TTN: variants seen among roughly 807,000 people sequenced by gnomAD.
TTN encodes the protein titin, also known as connectin.
In TTN, 1,525 loss-of-function variants were observed where a neutral mutation model predicts 3,223.0. The observed-to-expected ratio is 0.47, with a 90% confidence interval of 0.45 to 0.49. The LOEUF (loss-of-function observed/expected upper bound fraction) is 0.49, where lower values mean the gene tolerates loss of function less well. TTN is among the 20% of genes least tolerant of loss of function. TTN has a pLI of 0.00. For missense variants in TTN, 40,786 were observed against 43,424.0 expected, an observed-to-expected ratio of 0.94 and a Z score of 5.40; for synonymous variants, 14,094 against 15,161.0, an observed-to-expected ratio of 0.93 and a Z score of 5.17.
intron 115 of TTN, 139 bp downstream of exon 115, chr2:178,695,209 A>AAG (rs1560449133): frequency 3.3e-6 from 2 of 606,906 alleles, no homozygotes; most frequent in African/African-American, 3.8e-5. Context: ...AAATTTTAAG[A>AAG]AAAAAAAATC....
rs1372970593 is a variant in TTN, at chr2:178,636,542, T to C, written c.41185A>G (p.Ser13729Gly). Residue 13729 changes from serine to glycine, a missense_variant, in exon 225 of 363, where the codon AGT becomes GGT. Coordinates refer to ENST00000589042, the MANE Select transcript of TTN (RefSeq NM_001267550.2). This position sits in a 1 kb window ranked among gnomAD's most constrained non-coding sequence, Gnocchi z 4.3. Reference protein sequence around the residue: ...WMKDGSNIRESPKHRFIADGK... With the variant: ...WMKDGSNIREGPKHRFIADGK... ...TCTGCAATAAACCTGTGCTTGGGAC[T>C]CTCACGGATATTGCTACCGTCTTTC... The C allele has an allele frequency of 3.7e-6, 6 of 1,613,494 alleles. No homozygotes were observed. Among genetic ancestry groups the C allele is most frequent in the Admixed American group, 1.7e-5 (1 of 59,984 alleles).
intron 163 of TTN, among the ~76,000 whole-genome samples, chr2:178,666,559 T>C (rs1239370896): frequency 1.3e-5 from 2 of 152,162 alleles, no homozygotes; most frequent in African/African-American, 4.8e-5. Context: ...AATATGTGTA[T>C]ATATATTTTC....
At chr2:178,750,007 A>G (rs1267295868) in intron 47 of TTN, 1 of 1,613,228 alleles carries the variant, frequency 6.2e-7, no homozygotes, top group Admixed American at 1.7e-5. Context: ...GCATTGCTTT[A>G]GGTTCCAGCT....
chr2:178,717,881 A>G, intron 86 of TTN, 62 bp downstream of exon 86: 1 of 1,572,636 alleles, frequency 6.4e-7, no homozygotes, highest in Non-Finnish European at 8.6e-7. Flanking sequence ...AATTCATAAA[A>G]GTTTTAACGT....
intron 265 of TTN, 72 bp from the exon 266 acceptor site, chr2:178,612,648 A>C: frequency 6.5e-7 from 1 of 1,545,132 alleles, no homozygotes; most frequent in Non-Finnish European, 8.7e-7. Context: ...AAGTGCAGGC[A>C]GTCATTAAGA....
At chr2:178,704,828 A>G (rs1474846369) in intron 104 of TTN, 49 bp downstream of exon 104, 4 of 1,609,410 alleles carry the variant, frequency 2.5e-6, no homozygotes, top group Non-Finnish European at 3.4e-6. Context: ...CCTTATAATA[A>G]TACTCAATAA....
chr2:178,625,242 T>C (rs748290082), intron 241 of TTN, 31 bp downstream of exon 241: 12 of 1,601,226 alleles, frequency 7.5e-6, no homozygotes, highest in East Asian at 2.3e-5. Flanking sequence ...CTCTGCCTTA[T>C]ACATGTTTTT....
At chr2:178,609,599 T>G (rs746255082) in intron 272 of TTN, 29 bp from the exon 273 acceptor site, 28 of 1,560,510 alleles carry the variant, frequency 1.8e-5, no homozygotes, top group Non-Finnish European at 2.3e-5. Context: ...ATAAATGTTT[T>G]CAATTCTGAT....
chr2:178,689,098 C>T lies in TTN; in HGVS notation c.32050G>A (p.Val10684Ile), dbSNP rs780059790. ...LPKKPVPEEK[V>I]AVPVPVAKKA... Reference sequence around the variant, plus strand: ...TTAGCGACAGGAACTGGCACTGCAACTTTCTCCTCTGGGACGGGTTTCTTA... The same window carrying T: ...TTAGCGACAGGAACTGGCACTGCAATTTTCTCCTCTGGGACGGGTTTCTTA... The change falls in exon 125 of 363, where the codon GTT becomes ATT. Residue 10684 changes from valine to isoleucine, a missense_variant. Physicochemically the swap from Val to Ile is conservative, Grantham distance 29. Coordinates refer to ENST00000589042, the MANE Select transcript of TTN (RefSeq NM_001267550.2). 1 of 1,601,922 alleles carries T rather than the reference C, an allele frequency of 6.2e-7. No homozygotes were observed. The highest frequency in any genetic ancestry group is 1.1e-5 in the South Asian group (1 of 90,394).
Position 178,614,651 on chromosome 2 carries a change from G to C in TTN, c.48863C>G (p.Pro16288Arg), listed in dbSNP as rs745848084. ...ATCAGCCTTTGTCCAAGTTATTTTA[G>C]GTTCAGGTTTTCCGGTTACGGTGGC... ...LPATVTGKPEPKITWTKADMI... is the reference protein window; with the variant it reads ...LPATVTGKPERKITWTKADMI... Residue 16288 changes from proline to arginine, a missense_variant, in exon 261 of 363, where the codon CCT becomes CGT. Physicochemically the swap from Pro to Arg is moderately radical, Grantham distance 103 (BLOSUM62 -2). Coordinates refer to ENST00000589042, the MANE Select transcript of TTN (RefSeq NM_001267550.2). 5 of 1,612,320 alleles carry C rather than the reference G, an allele frequency of 3.1e-6. No individual in the cohort carries two copies. Among genetic ancestry groups the C allele is most frequent in the Admixed American group, 1.7e-5 (1 of 59,884 alleles).
chr2:178,771,544 A>G, intron 33 of TTN, 73 bp from the exon 34 acceptor site: 1 of 1,576,970 alleles, frequency 6.3e-7, no homozygotes, highest in Non-Finnish European at 8.7e-7. Flanking sequence ...TGCAGAAGTA[A>G]ATATAAAATA....
At chr2:178,599,988 G>T in intron 288 of TTN, 138 bp from the exon 289 acceptor site, 1 of 783,488 alleles carries the variant, frequency 1.3e-6, no homozygotes, top group Non-Finnish European at 1.9e-6. Context: ...GAATGGTTCT[G>T]TCTTTAACAC....
chr2:178,708,391 A>G (rs1455135263), intron 99 of TTN, among the ~76,000 whole-genome samples: 1 of 152,226 alleles, frequency 6.6e-6, no homozygotes, highest in Non-Finnish European at 1.5e-5. Flanking sequence ...TGTTTAACTG[A>G]AGACCAATGA....
intron 15 of TTN, 93 bp from the exon 16 acceptor site, chr2:178,784,444 T>G (rs1182900612): frequency 6.7e-7 from 1 of 1,498,668 alleles, no homozygotes; most frequent in Non-Finnish European, 9.1e-7. Flanking sequence ...TTCTATAAGG[T>G]CTGTTCTTTA....
Position 178,771,404 on chromosome 2 carries a change from ACATT to A in TTN, c.7919_7922del (p.Glu2640ValfsTer13). The stretch of plus-strand genomic sequence containing the variant: ...CTTTGGAATCTGGGTTGGCAACTTC[ACATT>A]CAAACACAGCTTCCTGGGATTCAGC... On this transcript the variant is annotated frameshift_variant, in exon 34 of 363. Transcript: ENST00000589042. LOFTEE classifies it high-confidence loss of function. 6.2e-7 allele frequency: 1 copy of A among 1,613,988 alleles called. No individual in the cohort carries two copies. The highest frequency in any genetic ancestry group is 8.5e-7 in the Non-Finnish European group (1 of 1,179,902).
At chr2:178,648,602 G>T (rs1265408213) in intron 213 of TTN, among the ~76,000 whole-genome samples, 1 of 152,046 alleles carries the variant, frequency 6.6e-6, no homozygotes, top group East Asian at 1.9e-4. Flanking sequence ...TAGAGACGGG[G>T]TTTCACCATG....
intron 292 of TTN, 48 bp from the exon 293 acceptor site, chr2:178,598,106 C>A (rs933689482): frequency 1.9e-6 from 3 of 1,576,764 alleles, no homozygotes; most frequent in Non-Finnish European, 2.6e-6. Flanking sequence ...TTCTTTGTAG[C>A]TTCTTGCTTT....
Position 178,776,780 on chromosome 2 carries a change from T to A in TTN, c.5084A>T (p.Tyr1695Phe). Reference protein sequence around the residue: ...GQEQWEEGDLYDKEKQQKPFF... With the variant: ...GQEQWEEGDLFDKEKQQKPFF... ...TGGTTTCTGTTGTTTCTCTTTGTCA[T>A]AGAGATCACCTTCTTCCCATTGCTC... Residue 1695 changes from tyrosine (Y) to phenylalanine (F), a missense_variant, in exon 28 of 363, where the codon TAT (tyrosine) becomes TTT (phenylalanine). Coordinates refer to ENST00000589042, the MANE Select transcript of TTN (RefSeq NM_001267550.2). 1 of 1,614,156 alleles carries A rather than the reference T, an allele frequency of 6.2e-7. No individual in the cohort carries two copies. Among genetic ancestry groups the A allele is most frequent in the East Asian group, 2.2e-5 (1 of 44,866 alleles).
Position 178,548,190 on chromosome 2 carries a change from T to A in TTN, c.93436A>T (p.Thr31146Ser). 1 of 1,613,878 alleles carries A rather than the reference T, an allele frequency of 6.2e-7. No individual in the cohort carries two copies. The highest frequency in any genetic ancestry group is 8.5e-7 in the Non-Finnish European group (1 of 1,179,810). ...KPDHDGGSRI[T>S]GYLLEMRQKG... is the part of the protein sequence containing the mutation. ...TGTCTCATTTCAAGCAGGTAGCCAG[T>A]GATCCGGCTGCCTCCATCGTGGTCA... Residue 31146 changes from threonine to serine, a missense_variant, in exon 339 of 363, where the codon ACT (threonine) becomes TCT (serine). By Grantham distance (58) the Thr-to-Ser change is moderately conservative. Transcript: ENST00000589042. The surrounding 1 kb of genome is among the most constrained non-coding windows in gnomAD (Gnocchi z 4.3).
Sources: allele counts gnomAD v4.1 joint callset (sites outside exome capture counted in the v4.1 genomes callset), GRCh38; gene constraint gnomAD v4.1.1; non-coding constraint Gnocchi (gnomAD v3.1); transcripts MANE v1.5; gene names NCBI Gene and HGNC (gene_info 2026-07-23, HGNC 2026-07-21).